The following ANK2 variants were observed in gnomAD, a reference collection of about 807,000 sequenced individuals.
ANK2 encodes the protein ankyrin 2, also known as ankyrin-2.
In ANK2, 83 loss-of-function variants were observed where a neutral mutation model predicts 360.5. The ratio of observed to expected loss-of-function variants is 0.23; its 90% CI spans 0.19 to 0.28. The LOEUF is 0.28. Among genes scored for constraint, ANK2 ranks in the 10% least tolerant of loss-of-function variants. ANK2 has a pLI of 1.00. For synonymous variants in ANK2, 1,740 were observed against 1,759.5 expected (o/e 0.99, Z 0.28); for missense variants, 4,201 against 4,795.7 (o/e 0.88, Z 3.66).
At chr4:112,916,844 A>G (rs2090003342) in intron 2 of ANK2, among the ~76,000 whole-genome samples, 1 of 152,244 alleles carries the variant, frequency 6.6e-6, no homozygotes, top group Non-Finnish European at 1.5e-5. Flanking sequence ...TGATCAAATT[A>G]TATATCTCAT....
At chr4:112,837,414 A>G (rs11736185) in intron 1 of ANK2, among the ~76,000 whole-genome samples, 18,066 of 152,320 alleles carry the variant, frequency 0.12, 1,807 homozygotes, top group African/African-American at 0.27. Context: ...TGCTGGGGCA[A>G]TGCAGAAGGG....
Position 113,237,151 on chromosome 4 carries a change from C to T in ANK2, c.648C>T (p.His216=), listed in dbSNP as rs2099389497. The stretch of plus-strand genomic sequence containing the variant: ...CCGCACTTCTGCTTCAGAATGACCA[C>T]AATGCTGACGTACAATCCAAGGTAC... ...KSAALLLQND[H]NADVQSKMMV... Residue 216 remains histidine, a synonymous_variant, in exon 6 of 46, where the codon CAC becomes CAT. Transcript: ENST00000357077. 6.2e-7 allele frequency: 1 copy of T among 1,613,902 alleles called. No individual in the cohort carries two copies. The highest frequency in any genetic ancestry group is 1.1e-5 in the South Asian group (1 of 91,088).
At chr4:113,287,369 T>C (rs2153729265) in intron 18 of ANK2, among the ~76,000 whole-genome samples, 1 of 152,298 alleles carries the variant, frequency 6.6e-6, no homozygotes, top group African/African-American at 2.4e-5. Flanking sequence ...GAACCCATTA[T>C]AGAAAATAGA....
chr4:112,749,827 C>G, the ANK2 span, among the ~76,000 whole-genome samples: 2 of 151,964 alleles, frequency 1.3e-5, no homozygotes, highest in Non-Finnish European at 2.9e-5. Context: ...CTCACTGCAA[C>G]CTCCGCCTCC....
Position 112,827,539 on chromosome 4 carries a change from A to T in ANK2, c.-40+9275A>T. On this transcript the variant is annotated intron_variant, in intron 1 of 30. Transcript: ENST00000503271. ...CACAAGAATCTGCCTCAGGGACTTGATATTTTGTATGGAACAGGAAGAGGA... is the reference window on the plus strand; with the variant it reads ...CACAAGAATCTGCCTCAGGGACTTGTTATTTTGTATGGAACAGGAAGAGGA... 2.6e-6 allele frequency: 3 copies of T among 1,154,866 alleles called. No individual in the cohort carries two copies. In the Admixed American group the frequency reaches 5.1e-5, roughly 19 times the overall value. The allele number at this position is 1,154,866 out of a possible 1,614,324, so 71.5% of individuals were successfully genotyped here.
At chr4:113,231,753 G>A (rs540223420) in intron 4 of ANK2, among the ~76,000 whole-genome samples, 7 of 152,022 alleles carry the variant, frequency 4.6e-5, no homozygotes, top group African/African-American at 1.2e-4. Flanking sequence ...ACAGGCATGC[G>A]CCACCACGCC....
At chr4:112,784,560 GTC>G in the ANK2 span, among the ~76,000 whole-genome samples, 1 of 151,738 alleles carries the variant, frequency 6.6e-6, no homozygotes, top group Non-Finnish European at 1.5e-5. Context: ...AGCCAGGATG[GTC>G]TCGATCTCCT....
intron 1 of ANK2, among the ~76,000 whole-genome samples, chr4:112,844,565 G>A (rs1399577550): frequency 6.6e-6 from 1 of 152,092 alleles, no homozygotes. Flanking sequence ...ATCCATCCAT[G>A]TATACTTTTT....
chr4:113,041,871 G>T (rs1296877562), intron 2 of ANK2, among the ~76,000 whole-genome samples: 1 of 152,094 alleles, frequency 6.6e-6, no homozygotes, highest in Admixed American at 6.6e-5. Flanking sequence ...TCACATAGCT[G>T]AGAGACAAAT....
At chr4:113,244,957 A>G (rs2042048733) in intron 9 of ANK2, among the ~76,000 whole-genome samples, 1 of 152,020 alleles carries the variant, frequency 6.6e-6, no homozygotes, top group Non-Finnish European at 1.5e-5. Flanking sequence ...ATCCTTTTTT[A>G]TGGCTGCATA....
At chr4:113,021,561 T>C (rs201136990) in intron 2 of ANK2, among the ~76,000 whole-genome samples, 20,514 of 136,128 alleles carry the variant, frequency 0.15, 3,188 homozygotes, top group East Asian at 0.41. Flanking sequence ...TATATATATA[T>C]ATATATATAT....
intron 1 of ANK2, among the ~76,000 whole-genome samples, chr4:112,890,842 C>G (rs991979092): frequency 1.3e-5 from 2 of 152,126 alleles, no homozygotes; most frequent in African/African-American, 4.8e-5. Flanking sequence ...GCTGGGATTA[C>G]AGGCGTGAGC....
chr4:113,050,111 A>C (rs991791172), intron 1 of ANK2, among the ~76,000 whole-genome samples: 5 of 152,302 alleles, frequency 3.3e-5, no homozygotes, highest in African/African-American at 1.2e-4. Context: ...TTCTGGTGTT[A>C]ACTGGGTAGA....
chr4:112,714,586 A>G, the ANK2 span, among the ~76,000 whole-genome samples: 3 of 152,256 alleles, frequency 2.0e-5, no homozygotes, highest in African/African-American at 4.8e-5. Context: ...AACTGCATAC[A>G]ATAAAACTAT....
chr4:113,070,939 A>G (rs141156866), intron 1 of ANK2, among the ~76,000 whole-genome samples: 2 of 152,196 alleles, frequency 1.3e-5, no homozygotes, highest in African/African-American at 4.8e-5. Flanking sequence ...AGTATCCATC[A>G]TAACATCAAA....
At chr4:112,838,131 C>T (rs998259947) in intron 1 of ANK2, among the ~76,000 whole-genome samples, 3 of 151,984 alleles carry the variant, frequency 2.0e-5, no homozygotes, top group African/African-American at 7.3e-5. Flanking sequence ...GGGCAGTTTC[C>T]CCTGTGCTGT....
the ANK2 span, among the ~76,000 whole-genome samples, chr4:112,729,939 C>G: frequency 6.6e-6 from 1 of 151,922 alleles, no homozygotes; most frequent in Admixed American, 6.6e-5. Context: ...TATATGAAAT[C>G]TAAAAAGTCA....
intron 45 of ANK2, chr4:113,373,764 G>A: frequency 2.0e-6 from 1 of 490,014 alleles, no homozygotes; most frequent in Non-Finnish European, 3.9e-6. Flanking sequence ...TCTATTTGCT[G>A]GGCAAGCAGT....
rs139487126 is a variant in ANK2, at chr4:112,935,991, A to C, written c.21+31477A>C. Among the ~76,000 whole-genome samples, 4 of 152,370 alleles carry C rather than the reference A, an allele frequency of 2.6e-5. No individual in the cohort carries two copies. In the East Asian group the frequency reaches 7.7e-4, roughly 29 times the overall value. Reference sequence around the variant, plus strand: ...AAAAATTTACAAAGCAACATCAGTGATGGAAAATAAAGAAAGCTAATCTTT... The same window carrying C: ...AAAAATTTACAAAGCAACATCAGTGCTGGAAAATAAAGAAAGCTAATCTTT... On this transcript the variant is annotated intron_variant, in intron 2 of 30. Coordinates refer to the ANK2 transcript ENST00000503271.
Sources: gnomAD v4.1 joint callset for allele counts (sites outside exome capture counted in the v4.1 genomes callset) on GRCh38, gnomAD v4.1.1 for gene constraint, MANE v1.5 for transcripts, NCBI Gene and HGNC (gene_info 2026-07-23, HGNC 2026-07-21) for gene names.